LINGO2: variants seen among roughly 807,000 people sequenced by gnomAD.
LINGO2 encodes the protein leucine rich repeat and Ig domain containing 2.
Under a neutral mutation model 30.6 loss-of-function variants are expected in LINGO2, and 14 were observed. The ratio of observed to expected loss-of-function variants is 0.46; its 90% CI spans 0.30 to 0.72. The LOEUF is 0.72. Ranked by LOEUF, LINGO2 falls within the 30% of genes least tolerant of loss-of-function variation. The pLI is 0.07. For missense variants in LINGO2, 729 were observed against 751.7 expected (o/e 0.97, Z 0.35); for synonymous variants, 317 against 288.5 (o/e 1.10, Z -1.00).
At chr9:28,559,825 C>T (rs1334095985) in intron 1 of LINGO2, among the ~76,000 whole-genome samples, 1 of 151,792 alleles carries the variant, frequency 6.6e-6, no homozygotes, top group Non-Finnish European at 1.5e-5. Context: ...TTTTTCATTT[C>T]AAGAAAAGTT....
At chr9:28,530,853 T>C (rs1249276181) in intron 1 of LINGO2, among the ~76,000 whole-genome samples, 2 of 151,934 alleles carry the variant, frequency 1.3e-5, no homozygotes, top group Non-Finnish European at 2.9e-5. Context: ...AAGTACATAT[T>C]GAAAAACATC....
At chr9:28,843,880 A>G in the LINGO2 span, among the ~76,000 whole-genome samples, 3 of 151,740 alleles carry the variant, frequency 2.0e-5, no homozygotes, top group African/African-American at 7.3e-5. Context: ...TTTAGGTTCA[A>G]ATTATTGGCT....
chr9:28,004,062 A>G (rs1822127711), intron 5 of LINGO2, among the ~76,000 whole-genome samples: 1 of 152,206 alleles, frequency 6.6e-6, no homozygotes, highest in African/African-American at 2.4e-5. Flanking sequence ...ACAATGAAAT[A>G]ATCAAACTAG....
At chr9:29,149,801 G>A in the LINGO2 span, among the ~76,000 whole-genome samples, 10 of 152,198 alleles carry the variant, frequency 6.6e-5, no homozygotes, top group African/African-American at 1.7e-4. Context: ...ATGCACATCC[G>A]CTAACGTCCC....
intron 3 of LINGO2, among the ~76,000 whole-genome samples, chr9:28,348,605 T>C (rs966608964): frequency 4.6e-5 from 7 of 151,896 alleles, no homozygotes; most frequent in Admixed American, 1.3e-4. Flanking sequence ...CTTGATTAGG[T>C]AAACAAAGCA....
chr9:29,127,218 G>A, the LINGO2 span, among the ~76,000 whole-genome samples: 1 of 152,042 alleles, frequency 6.6e-6, no homozygotes, highest in Non-Finnish European at 1.5e-5. Context: ...TCTGTGGCAT[G>A]TACTCTGAAA....
In LINGO2 at chr9:28,458,263, G is replaced by T. The variant is rs992908360; in HGVS notation, c.-279+17677C>A. The stretch of plus-strand genomic sequence containing the variant: ...ATTTTCTTTTTACCTAATGAAGGAT[G>T]ATTTCTGCAGCTGGATTATATGTTT... On this transcript the variant is annotated intron_variant, in intron 2 of 5. Transcript: ENST00000379992. 4.6e-5 allele frequency among the ~76,000 whole-genome samples: 7 copies of T among 152,254 alleles called. No individual in the cohort carries two copies. The South Asian group carries it at 1.5e-3, about 32-fold the overall frequency.
At chr9:28,500,462 A>T (rs1188898792) in intron 1 of LINGO2, among the ~76,000 whole-genome samples, 1 of 152,196 alleles carries the variant, frequency 6.6e-6, no homozygotes, top group South Asian at 2.1e-4. Context: ...CAATAATTAA[A>T]ACATATTTTT....
intron 2 of LINGO2, among the ~76,000 whole-genome samples, chr9:28,467,986 G>A (rs1825378432): frequency 6.6e-6 from 1 of 151,996 alleles, no homozygotes; most frequent in South Asian, 2.1e-4. Flanking sequence ...AATGTATTTT[G>A]TTAAAAACTT....
At chr9:29,127,118 G>C in the LINGO2 span, among the ~76,000 whole-genome samples, 1 of 152,076 alleles carries the variant, frequency 6.6e-6, no homozygotes, top group South Asian at 2.1e-4. Context: ...GTATAACCAA[G>C]TAACCAACGG....
chr9:28,134,409 G>C (rs901089877), intron 4 of LINGO2, among the ~76,000 whole-genome samples: 1 of 152,180 alleles, frequency 6.6e-6, no homozygotes, highest in African/African-American at 2.4e-5. Context: ...TATATAAAAT[G>C]TCAAAAATTG....
intron 4 of LINGO2, among the ~76,000 whole-genome samples, chr9:28,048,593 C>T (rs1824528859): frequency 6.6e-6 from 1 of 150,604 alleles, no homozygotes; most frequent in Admixed American, 6.7e-5. Context: ...AGTAATTAAG[C>T]ATAATAATTT....
the LINGO2 span, among the ~76,000 whole-genome samples, chr9:29,150,218 A>G: frequency 1.1e-4 from 17 of 152,276 alleles, no homozygotes; most frequent in African/African-American, 4.1e-4. Context: ...AGCCACAAAT[A>G]AAGATCCTAT....
intron 2 of LINGO2, among the ~76,000 whole-genome samples, chr9:28,396,570 G>A (rs1822050975): frequency 6.6e-6 from 1 of 151,878 alleles, no homozygotes. Context: ...CGGGCATGGT[G>A]GCGGGCACTT....
intron 2 of LINGO2, among the ~76,000 whole-genome samples, chr9:28,420,695 G>C (rs1349491616): frequency 1.3e-5 from 2 of 151,986 alleles, no homozygotes; most frequent in East Asian, 3.9e-4. Context: ...CATATTCAAA[G>C]AGAATAGGCA....
intron 4 of LINGO2, among the ~76,000 whole-genome samples, chr9:28,016,837 T>G (rs1822866742): frequency 6.6e-6 from 1 of 152,036 alleles, no homozygotes; most frequent in African/African-American, 2.4e-5. Context: ...CTCGACTCAT[T>G]CTATCAAATC....
intron 4 of LINGO2, among the ~76,000 whole-genome samples, chr9:28,186,883 C>G (rs2133742524): frequency 6.6e-6 from 1 of 152,188 alleles, no homozygotes; most frequent in African/African-American, 2.4e-5. Flanking sequence ...GGGGACAAAT[C>G]CACCAAACTT....
intron 4 of LINGO2, among the ~76,000 whole-genome samples, chr9:28,033,692 G>T (rs1450861243): frequency 1.3e-5 from 2 of 151,926 alleles, no homozygotes; most frequent in African/African-American, 4.8e-5. Context: ...TTTCTATTCT[G>T]CCCCAATTTA....
chr9:28,287,025 A>G (rs1450058762), intron 4 of LINGO2, among the ~76,000 whole-genome samples: 1 of 152,194 alleles, frequency 6.6e-6, no homozygotes, highest in African/African-American at 2.4e-5. Flanking sequence ...TCAGTCAGTT[A>G]CCAGACCTGA....
Sources: allele counts gnomAD v4.1 joint callset (sites outside exome capture counted in the v4.1 genomes callset), GRCh38; gene constraint gnomAD v4.1.1; transcripts MANE v1.5; gene names NCBI Gene and HGNC (gene_info 2026-07-23, HGNC 2026-07-21).